The following OPCML variants were observed in gnomAD, a reference collection of about 807,000 sequenced individuals.
The protein encoded by OPCML is opioid binding protein/cell adhesion molecule like.
Under a neutral mutation model 37.8 loss-of-function variants are expected in OPCML, and 13 were observed. The observed-to-expected ratio is 0.34, with a 90% CI of 0.22 to 0.55. OPCML has a LOEUF of 0.55. Among genes scored for constraint, OPCML ranks in the 20% least tolerant of loss-of-function variants. The pLI is 0.91. For missense variants in OPCML, 341 were observed against 435.6 expected, an observed-to-expected ratio of 0.78 and a Z score of 1.93; for synonymous variants, 176 against 168.8, an observed-to-expected ratio of 1.04 and a Z score of -0.33.
At chr11:132,719,118 T>C (rs1420242416) in intron 2 of OPCML, among the ~76,000 whole-genome samples, 5 of 152,208 alleles carry the variant, frequency 3.3e-5, no homozygotes, top group Non-Finnish European at 7.4e-5. Flanking sequence ...GGAGGGTCCC[T>C]GACTGACAGG....
intron 4 of OPCML, among the ~76,000 whole-genome samples, chr11:132,517,545 G>A (rs2137224080): frequency 6.6e-6 from 1 of 152,260 alleles, no homozygotes; most frequent in Non-Finnish European, 1.5e-5. Context: ...CACATTTTTT[G>A]TTCAGCAGCA....
chr11:133,197,066 G>T (rs1447134083), intron 1 of OPCML, among the ~76,000 whole-genome samples: 1 of 152,164 alleles, frequency 6.6e-6, no homozygotes, highest in African/African-American at 2.4e-5. Context: ...TCAGAAATGT[G>T]CTGTCTTAGT....
At chr11:132,443,664 C>T (rs1040660767) in intron 4 of OPCML, among the ~76,000 whole-genome samples, 3 of 152,156 alleles carry the variant, frequency 2.0e-5, no homozygotes, top group Non-Finnish European at 2.9e-5. Context: ...AAGGGAAGAA[C>T]CATGTTTGTA....
intron 3 of OPCML, among the ~76,000 whole-genome samples, chr11:132,537,094 T>C (rs2096342829): frequency 1.3e-5 from 2 of 152,182 alleles, no homozygotes; most frequent in South Asian, 4.1e-4. Flanking sequence ...GGGAACAGAG[T>C]AATAACACCA....
intron 3 of OPCML, among the ~76,000 whole-genome samples, chr11:132,596,497 ATGAC>A (rs965891338): frequency 6.6e-6 from 1 of 152,158 alleles, no homozygotes; most frequent in Non-Finnish European, 1.5e-5. Flanking sequence ...AAGGGAGAAA[ATGAC>A]AGACAGAGAA....
At chr11:133,163,231 G>T (rs1592063192) in intron 1 of OPCML, among the ~76,000 whole-genome samples, 1 of 152,166 alleles carries the variant, frequency 6.6e-6, no homozygotes, top group South Asian at 2.1e-4. Context: ...CTAATTTGGG[G>T]GCAGCATGTT....
At position 132,478,656 on chromosome 11, in the gene OPCML, T is replaced by A. The variant is rs565897620; in HGVS notation, c.506-41297A>T. Among the ~76,000 whole-genome samples, 6 of 152,340 alleles carry A rather than the reference T, an allele frequency of 3.9e-5. No homozygotes were observed. In the South Asian group the frequency reaches 1.2e-3, roughly 32 times the overall value. ...TTTCCACTTACCATTTAATGACTTG[T>A]TAAATAATAGTTGATAACTGTTGTC... On this transcript the variant is annotated intron_variant, in intron 4 of 7. Coordinates refer to ENST00000524381, the MANE Select transcript of OPCML (RefSeq NM_001012393.5).
intron 4 of OPCML, among the ~76,000 whole-genome samples, chr11:132,443,363 C>A (rs2096043191): frequency 6.6e-6 from 1 of 152,152 alleles, no homozygotes; most frequent in Non-Finnish European, 1.5e-5. Flanking sequence ...TGGGAGTGGG[C>A]AGAGGGTGGC....
chr11:132,883,651 G>T (rs1943303199), intron 2 of OPCML, among the ~76,000 whole-genome samples: 1 of 152,168 alleles, frequency 6.6e-6, no homozygotes, highest in South Asian at 2.1e-4. Context: ...GACAGGGAAA[G>T]CAGGAAGATG....
intron 4 of OPCML, among the ~76,000 whole-genome samples, chr11:132,438,197 C>T (rs2096019644): frequency 1.3e-5 from 2 of 152,204 alleles, no homozygotes; most frequent in Admixed American, 1.3e-4. Flanking sequence ...CTCCGCCTTA[C>T]CCCTTATCTT....
intron 2 of OPCML, among the ~76,000 whole-genome samples, chr11:132,906,186 T>C (rs890993673): frequency 6.6e-6 from 1 of 152,214 alleles, no homozygotes. Flanking sequence ...GGCTAAAACA[T>C]GACTCATCGT....
chr11:133,170,465 G>A (rs955085871), intron 1 of OPCML, among the ~76,000 whole-genome samples: 1 of 151,524 alleles, frequency 6.6e-6, no homozygotes, highest in Non-Finnish European at 1.5e-5. Flanking sequence ...CAGCCTGGGC[G>A]ACAGAGCGAG....
chr11:133,072,070 CG>C (rs1214468962), intron 1 of OPCML, among the ~76,000 whole-genome samples: 1 of 152,082 alleles, frequency 6.6e-6, no homozygotes, highest in African/African-American at 2.4e-5. Flanking sequence ...TACTCAGACT[CG>C]GGCCACATGA....
intron 1 of OPCML, among the ~76,000 whole-genome samples, chr11:133,242,010 A>G (rs1357144189): frequency 3.9e-5 from 6 of 152,206 alleles, no homozygotes; most frequent in Admixed American, 2.6e-4. Flanking sequence ...TTTGTCTTGC[A>G]CACTTAGAAT....
At chr11:132,499,035 C>T (rs2096240015) in intron 4 of OPCML, among the ~76,000 whole-genome samples, 1 of 152,232 alleles carries the variant, frequency 6.6e-6, no homozygotes, top group Non-Finnish European at 1.5e-5. Flanking sequence ...TCTCAGAATT[C>T]TGTGAGTGTG....
chr11:132,711,794 A>G (rs1336088621), intron 2 of OPCML, among the ~76,000 whole-genome samples: 1 of 152,194 alleles, frequency 6.6e-6, no homozygotes, highest in Non-Finnish European at 1.5e-5. Context: ...TGTACCTTAC[A>G]TATGCTATAT....
At chr11:133,007,984 G>A (rs1288794421) in intron 1 of OPCML, 1 of 985,450 alleles carries the variant, frequency 1.0e-6, no homozygotes, top group East Asian at 1.1e-4. Flanking sequence ...ACAGGCACAT[G>A]TCTGCATATG....
chr11:133,316,286 T>C (rs1178812968), intron 1 of OPCML, among the ~76,000 whole-genome samples: 2 of 151,984 alleles, frequency 1.3e-5, no homozygotes, highest in African/African-American at 2.4e-5. Context: ...TTCTCAACCA[T>C]ACAAAGAACC....
intron 1 of OPCML, among the ~76,000 whole-genome samples, chr11:133,456,028 T>C (rs1438155642): frequency 1.3e-5 from 2 of 152,186 alleles, no homozygotes; most frequent in African/African-American, 4.8e-5. Context: ...TGCTGTCGTG[T>C]CTGACTTGGA....
Sources: gnomAD v4.1 joint callset for allele counts (sites outside exome capture counted in the v4.1 genomes callset) on GRCh38, gnomAD v4.1.1 for gene constraint, MANE v1.5 for transcripts, NCBI Gene and HGNC (gene_info 2026-07-23, HGNC 2026-07-21) for gene names.